CBLN1: variants seen among roughly 807,000 people sequenced by gnomAD.
The protein encoded by CBLN1 is cerebellin-1.
In CBLN1, 5 loss-of-function variants were observed where a neutral mutation model predicts 15.9. The ratio of observed to expected loss-of-function variants is 0.31; its 90% CI spans 0.16 to 0.66. The LOEUF (loss-of-function observed/expected upper bound fraction) is 0.66. CBLN1 is among the 30% of genes least tolerant of loss of function. The pLI is 0.75. For missense variants in CBLN1, 164 were observed against 253.7 expected (o/e 0.65, Z 2.40); for synonymous variants, 90 against 107.6 (o/e 0.84, Z 1.01).
chr16:49,279,603 T>A lies in CBLN1; in HGVS notation c.385-2A>T. 6.2e-7 allele frequency: 1 copy of A among 1,613,206 alleles called. No homozygotes were observed. Among genetic ancestry groups the A allele is most frequent in the Non-Finnish European group, 8.5e-7 (1 of 1,179,918 alleles). On this transcript the variant is annotated splice_acceptor_variant, in intron 2 of 2. Transcript: ENST00000219197. LOFTEE classifies it high-confidence loss of function. ...CCACCCGTTTAGCATGAGGCTCACC[T>A]GAGAAAGAGAAAGGCCCGCTTCAGA...
At position 49,280,982 on chromosome 16, in the gene CBLN1, T is replaced by C. The variant is rs1320329998; in HGVS notation, c.325A>G (p.Lys109Glu). The change falls in exon 2 of 3, where the codon AAA (lysine) becomes GAA (glutamate). Residue 109 changes from lysine (K) to glutamate (E), a missense_variant. Coordinates refer to ENST00000219197, the MANE Select transcript of CBLN1 (RefSeq NM_004352.4). ...TGGAAGTTAAAACTGTAGATCCCTTTGCGCGGGGCGATGAAAGTGCTGCGT... is the reference window on the plus strand; with the variant it reads ...TGGAAGTTAAAACTGTAGATCCCTTCGCGCGGGGCGATGAAAGTGCTGCGT... ...SERSTFIAPR[K>E]GIYSFNFHVV... The C allele has an allele frequency of 1.2e-6, 2 of 1,614,094 alleles. No homozygotes were observed. Among genetic ancestry groups the C allele is most frequent in the Non-Finnish European group, 1.7e-6 (2 of 1,180,042 alleles).
rs1963227758 is a variant in CBLN1 at position 49,278,945 on chromosome 16, C to T, written c.*459G>A. 1 of 155,812 alleles carries T rather than the reference C, an allele frequency of 6.4e-6. No homozygotes were observed. The highest frequency in any genetic ancestry group is 2.0e-4 in the South Asian group (1 of 4,982). The allele number at this position is 155,812 out of a possible 1,614,324, so 9.7% of individuals were successfully genotyped here. A position where few individuals can be genotyped will look rare whatever the true frequency, so the allele number is the denominator to read the frequency against. The stretch of plus-strand genomic sequence containing the variant: ...ATCCAAAACAAAACAACAACAACAA[C>T]AAAACTTTACCCCTTTCCAAACTGA... On this transcript the variant is annotated 3_prime_UTR_variant, in exon 3 of 3. Coordinates refer to ENST00000219197, the MANE Select transcript of CBLN1 (RefSeq NM_004352.4).
chr16:49,279,708 GC>G, intron 2 of CBLN1, 107 bp from the exon 3 acceptor site: 1 of 742,072 alleles, frequency 1.3e-6, no homozygotes, highest in Non-Finnish European at 2.1e-6. Context: ...AGGCCTGGAA[GC>G]ACGGAGAGGT....
intron 2 of CBLN1, among the ~76,000 whole-genome samples, 154 bp from the exon 3 acceptor site, chr16:49,279,755 T>C (rs1963239447): frequency 6.6e-6 from 1 of 152,102 alleles, no homozygotes; most frequent in African/African-American, 2.4e-5. Context: ...AAAAGGGGCT[T>C]TGCAGCTTAC....
Position 49,279,286 on chromosome 16 carries a change from A to C in CBLN1, c.*118T>G. 2.0e-5 allele frequency: 18 copies of C among 887,822 alleles called. No individual in the cohort carries two copies. Among genetic ancestry groups the C allele is most frequent in the Non-Finnish European group, 3.0e-5 (17 of 560,334 alleles). The allele number at this position is 887,822 out of a possible 1,614,324, so 55.0% of individuals were successfully genotyped here. A position where few individuals can be genotyped will look rare whatever the true frequency, so the allele number is the denominator to read the frequency against. ...CGCACCTTTTTACCCAGATACAGTT[A>C]GAGAACATGTAGGAAGTTTCAAGTC... On this transcript the variant is annotated 3_prime_UTR_variant, in exon 3 of 3. Transcript: ENST00000219197.
chr16:49,281,620 AC>A lies in CBLN1; in HGVS notation c.-156del. ...CTACACCTCTTCCTCGCACTCCGGG[AC>A]TAGCGTCCCCTCCGCGACTAGCGTC... On this transcript the variant is annotated 5_prime_UTR_variant, in exon 1 of 3. Transcript: ENST00000219197. 2.3e-6 allele frequency: 1 copy of A among 434,788 alleles called. No individual in the cohort carries two copies. The highest frequency in any genetic ancestry group is 3.8e-6 in the Non-Finnish European group (1 of 262,144). The allele number at this position is 434,788 out of a possible 1,614,324, so 26.9% of individuals were successfully genotyped here. A position where few individuals can be genotyped will look rare whatever the true frequency, so the allele number is the denominator to read the frequency against.
In CBLN1 at chr16:49,281,553, T is replaced by G; in HGVS notation, c.-88A>C. The G allele has an allele frequency of 4.8e-6, 4 of 834,834 alleles. No individual in the cohort carries two copies. Among genetic ancestry groups the G allele is most frequent in the Non-Finnish European group, 6.3e-6 (4 of 632,364 alleles). The allele number at this position is 834,834 out of a possible 1,614,324, so 51.7% of individuals were successfully genotyped here. A position where few individuals can be genotyped will look rare whatever the true frequency, so the allele number is the denominator to read the frequency against. ...GTCCCAGTCCCGCTCCGAAGCCCCC[T>G]CCTCAGCTCCGTGCGCAGCTCCGCC... On this transcript the variant is annotated 5_prime_UTR_variant, in exon 1 of 3. Transcript: ENST00000219197.
Position 49,281,454 on chromosome 16 carries a change from G to T in CBLN1, c.12C>A (p.Val4=). The T allele has an allele frequency of 6.4e-7, 1 of 1,558,360 alleles. No individual in the cohort carries two copies. Among genetic ancestry groups the T allele is most frequent in the East Asian group, 2.3e-5 (1 of 43,776 alleles). The change falls in exon 1 of 3, where the codon GTC becomes GTA. Residue 4 remains valine (V), a synonymous_variant. Coordinates refer to ENST00000219197, the MANE Select transcript of CBLN1 (RefSeq NM_004352.4). The part of the protein sequence containing the change: MLG[V]LELLLLGAAW... ...CAGCCCCCAGCAGCAGCAGCTCCAG[G>T]ACGCCCAGCATCGCGCCGCCGGCGC...
Position 49,278,632 on chromosome 16 carries a change from C to T in CBLN1, c.*772G>A, listed in dbSNP as rs1963224744. 1 of 152,232 alleles carries T rather than the reference C, an allele frequency of 6.6e-6. No homozygotes were observed. The highest frequency in any genetic ancestry group is 2.4e-5 in the African/African-American group (1 of 41,448). The allele number at this position is 152,232 out of a possible 1,614,324, so 9.4% of individuals were successfully genotyped here. ...GTCCGGAAGAAGCTCCTTGGCGTTT[C>T]GTGGAGTCACAGAGCACGACGGCAT... On this transcript the variant is annotated 3_prime_UTR_variant, in exon 3 of 3. Coordinates refer to ENST00000219197, the MANE Select transcript of CBLN1 (RefSeq NM_004352.4).
chr16:49,281,506 G>A lies in CBLN1; in HGVS notation c.-41C>T. 2 of 1,216,988 alleles carry A rather than the reference G, an allele frequency of 1.6e-6. No individual in the cohort carries two copies. 75.4% of individuals were successfully genotyped at this position (1,216,988 alleles called of 1,614,324 possible). On this transcript the variant is annotated 5_prime_UTR_variant, in exon 1 of 3. Transcript: ENST00000219197. ...CACCCCGCCCCCCACCCCCAGGGCT[G>A]CTCGCGCCAGCCGCCCCCCCCGTCC...
Position 49,281,519 on chromosome 16 carries a change from GCC to G in CBLN1, c.-56_-55del. 1.8e-6 allele frequency: 2 copies of G among 1,134,878 alleles called. No homozygotes were observed. Among genetic ancestry groups the G allele is most frequent in the Non-Finnish European group, 2.2e-6 (2 of 903,406 alleles). The allele number at this position is 1,134,878 out of a possible 1,614,324, so 70.3% of individuals were successfully genotyped here. A position where few individuals can be genotyped will look rare whatever the true frequency, so the allele number is the denominator to read the frequency against. On this transcript the variant is annotated 5_prime_UTR_variant, in exon 1 of 3. Transcript: ENST00000219197. Reference sequence around the variant, plus strand: ...ACCCCCAGGGCTGCTCGCGCCAGCCGCCCCCCCCGTCCCAGTCCCGCTCCGAA... The same window carrying G: ...ACCCCCAGGGCTGCTCGCGCCAGCCGCCCCCCGTCCCAGTCCCGCTCCGAA...
In CBLN1 at chr16:49,278,715, T is replaced by C. The variant is rs1963225321; in HGVS notation, c.*689A>G. ...TTTCACGATCACTCCGAATAGAACA[T>C]AGAAATACGGAAACACAGCCAGTTT... On this transcript the variant is annotated 3_prime_UTR_variant, in exon 3 of 3. Transcript: ENST00000219197. 6.6e-6 allele frequency: 1 copy of C among 152,146 alleles called. No homozygotes were observed. Among genetic ancestry groups the C allele is most frequent in the South Asian group, 2.1e-4 (1 of 4,828 alleles). The allele number at this position is 152,146 out of a possible 1,614,324, so 9.4% of individuals were successfully genotyped here.
At chr16:49,281,143 TC>T in intron 1 of CBLN1, 58 bp downstream of exon 1, 1 of 1,614,012 alleles carries the variant, frequency 6.2e-7, no homozygotes, top group Non-Finnish European at 8.5e-7. Context: ...GCATCGGTCT[TC>T]CATCCATCCC....
Position 49,279,615 on chromosome 16 carries a change from A to G in CBLN1, c.385-14T>C, listed in dbSNP as rs377069094. 31 of 1,609,008 alleles carry G rather than the reference A, an allele frequency of 1.9e-5. No individual in the cohort carries two copies. Among genetic ancestry groups the G allele is most frequent in the Non-Finnish European group, 2.6e-5 (31 of 1,176,814 alleles). On this transcript the variant is annotated splice_polypyrimidine_tract_variant and intron_variant, in intron 2 of 2. Coordinates refer to ENST00000219197, the MANE Select transcript of CBLN1 (RefSeq NM_004352.4). ...CATGAGGCTCACCTGAGAAAGAGAAAGGCCCGCTTCAGAGGCGCAACCTAG... is the reference window on the plus strand; with the variant it reads ...CATGAGGCTCACCTGAGAAAGAGAAGGGCCCGCTTCAGAGGCGCAACCTAG...
In CBLN1 at chr16:49,279,395, AC is replaced by A. The variant is rs1487251784; in HGVS notation, c.*8del. The A allele has an allele frequency of 1.2e-6, 2 of 1,613,420 alleles. No individual in the cohort carries two copies. The highest frequency in any genetic ancestry group is 1.7e-6 in the Non-Finnish European group (2 of 1,179,572). ...CCCTCTCCCTGCCTCCCTTCCGGCT[AC>A]GAGCCAGTCAGAGAGGAAACACCAG... On this transcript the variant is annotated 3_prime_UTR_variant, in exon 3 of 3. Coordinates refer to ENST00000219197, the MANE Select transcript of CBLN1 (RefSeq NM_004352.4).
Position 49,280,879 on chromosome 16 carries a change from A to G in CBLN1, c.384+44T>C, listed in dbSNP as rs200242292. Reference sequence around the variant, plus strand: ...CAGCCCGAGCACCCCTGAGGCCAGTAACCCCCCTACGGGGCCAGGGCCCGG... The same window carrying G: ...CAGCCCGAGCACCCCTGAGGCCAGTGACCCCCCTACGGGGCCAGGGCCCGG... On this transcript the variant is annotated intron_variant, in intron 2 of 2. Coordinates refer to ENST00000219197, the MANE Select transcript of CBLN1 (RefSeq NM_004352.4). 62 of 1,613,202 alleles carry G rather than the reference A, an allele frequency of 3.8e-5. No homozygotes were observed. In the African/African-American group the frequency reaches 5.1e-4, roughly 13 times the overall value.
rs1206491358 is a variant in CBLN1, at chr16:49,279,481, G to A, written c.505C>T (p.Leu169Phe). The A allele has an allele frequency of 6.2e-7, 1 of 1,614,174 alleles. No homozygotes were observed. Among genetic ancestry groups the A allele is most frequent in the Non-Finnish European group, 8.5e-7 (1 of 1,180,040 alleles). ...IQMEKGDRAY[L>F]KLERGNLMGG... is the part of the protein sequence containing the mutation. ...ATCAAGTTTCCCCGCTCCAGCTTGA[G>A]GTATGCTCGGTCGCCTTTCTCCATT... Residue 169 changes from leucine to phenylalanine, a missense_variant, in exon 3 of 3, where the codon CTC becomes TTC. Leu to Phe is a conservative substitution (Grantham distance 22). Around this residue, in one of 3 missense-constraint regions of CBLN1, gnomAD observed 29 missense variants for 38.0 expected, o/e 0.76. Transcript: ENST00000219197.
Position 49,281,020 on chromosome 16 carries a change from T to C in CBLN1, c.287A>G (p.Asn96Ser), listed in dbSNP as rs1346619299. 2 of 1,614,224 alleles carry C rather than the reference T, an allele frequency of 1.2e-6. No homozygotes were observed. Among genetic ancestry groups the C allele is most frequent in the South Asian group, 1.1e-5 (1 of 91,082 alleles). The change falls in exon 2 of 3, where the codon AAC becomes AGC. Residue 96 changes from asparagine (N) to serine (S), a missense_variant. Physicochemically the swap from Asn to Ser is conservative, Grantham distance 46. Around this residue, in one of 3 missense-constraint regions of CBLN1, gnomAD observed 127 missense variants for 179.7 expected, o/e 0.71. Coordinates refer to ENST00000219197, the MANE Select transcript of CBLN1 (RefSeq NM_004352.4). The stretch of plus-strand genomic sequence containing the variant: ...GAAAGTGCTGCGTTCTGAATCAAAG[T>C]TGTTCCCAATGTTCACTAGTACCTA... ...FDQVLVNIGNNFDSERSTFIA... is the reference protein window; with the variant it reads ...FDQVLVNIGNSFDSERSTFIA...
In CBLN1 at chr16:49,279,018, AAGGATTCAG is replaced by A. The variant is rs1262008673; in HGVS notation, c.*377_*385del. On this transcript the variant is annotated 3_prime_UTR_variant, in exon 3 of 3. Transcript: ENST00000219197. ...TAATATATCAGATTTCAGTAGGCAG[AAGGATTCAG>A]AGGGGGCTAGGGAGAAAGATTTCAG... 5.1e-6 allele frequency: 1 copy of A among 194,544 alleles called. No individual in the cohort carries two copies. Among genetic ancestry groups the A allele is most frequent in the African/African-American group, 2.4e-5 (1 of 42,374 alleles). The allele number at this position is 194,544 out of a possible 1,614,324, so 12.1% of individuals were successfully genotyped here.
Sources: allele counts gnomAD v4.1 joint callset (sites outside exome capture counted in the v4.1 genomes callset), GRCh38; gene constraint gnomAD v4.1.1; regional missense constraint gnomAD v4.1.1; transcripts MANE v1.5; gene names NCBI Gene and HGNC (gene_info 2026-07-23, HGNC 2026-07-21).